SOS1: variants seen among roughly 807,000 people sequenced by gnomAD.
SOS1 encodes the protein SOS Ras/Rac guanine nucleotide exchange factor 1.
Under a neutral mutation model 157.6 loss-of-function variants are expected in SOS1, and 25 were observed. The ratio of observed to expected loss-of-function variants is 0.16; its 90% CI spans 0.12 to 0.22. The LOEUF (loss-of-function observed/expected upper bound fraction) is 0.22. Among genes scored for constraint, SOS1 ranks in the 10% least tolerant of loss-of-function variants. SOS1 has a pLI of 1.00. For synonymous variants in SOS1, 528 were observed against 534.0 expected, an observed-to-expected ratio of 0.99 and a Z score of 0.16; for missense variants, 1,237 against 1,599.1, an observed-to-expected ratio of 0.77 and a Z score of 3.86.
At chr2:39,017,199 C>G (rs1669657826) in intron 10 of SOS1, among the ~76,000 whole-genome samples, 1 of 151,996 alleles carries the variant, frequency 6.6e-6, no homozygotes, top group Admixed American at 6.6e-5. Flanking sequence ...CATGTGATTC[C>G]TGATTTAGTG....
intron 20 of SOS1, among the ~76,000 whole-genome samples, chr2:38,994,537 T>C (rs1431328175): frequency 6.6e-6 from 1 of 152,202 alleles, no homozygotes; most frequent in Non-Finnish European, 1.5e-5. Context: ...TTCAAATACA[T>C]GTTAAGTATC....
At chr2:39,123,444 A>G (rs1673966292), upstream of SOS1, among the ~76,000 whole-genome samples, 1 of 148,498 alleles carries the variant, frequency 6.7e-6, no homozygotes, top group African/African-American at 2.5e-5. Flanking sequence ...TACAACCTCC[A>G]CTTCCCAGGT....
chr2:39,087,886 C>A (rs1672435846), intron 1 of SOS1, among the ~76,000 whole-genome samples: 1 of 151,834 alleles, frequency 6.6e-6, no homozygotes, highest in Non-Finnish European at 1.5e-5. Context: ...GCCACATTGC[C>A]CAGGCTGGTC....
chr2:39,097,864 G>A (rs911264567), intron 1 of SOS1, among the ~76,000 whole-genome samples: 1 of 152,048 alleles, frequency 6.6e-6, no homozygotes, highest in Non-Finnish European at 1.5e-5. Flanking sequence ...TTTGCCCAGT[G>A]AAGTTAATTC....
intron 1 of SOS1, among the ~76,000 whole-genome samples, chr2:39,074,055 T>C (rs1167535219): frequency 2.6e-5 from 4 of 152,098 alleles, no homozygotes; most frequent in African/African-American, 9.7e-5. Context: ...AAATAAAATT[T>C]AAGACCAGCC....
chr2:39,015,206 A>G (rs1669592702), intron 10 of SOS1, among the ~76,000 whole-genome samples: 1 of 151,904 alleles, frequency 6.6e-6, no homozygotes, highest in Non-Finnish European at 1.5e-5. Flanking sequence ...CCCCTTATAA[A>G]GAGAAAGGCC....
chr2:39,070,990 G>T (rs1671774232), intron 1 of SOS1, among the ~76,000 whole-genome samples: 1 of 152,112 alleles, frequency 6.6e-6, no homozygotes, highest in Non-Finnish European at 1.5e-5. Context: ...AGCCTCCCAA[G>T]TAGCTGGGAT....
intron 19 of SOS1, among the ~76,000 whole-genome samples, chr2:38,996,407 T>A (rs1408377730): frequency 6.6e-6 from 1 of 152,206 alleles, no homozygotes; most frequent in Non-Finnish European, 1.5e-5. Context: ...GACTTTTTTA[T>A]GAACAAGAGA....
intron 3 of SOS1, among the ~76,000 whole-genome samples, chr2:39,057,254 T>C (rs1225222765): frequency 1.3e-5 from 2 of 152,144 alleles, no homozygotes; most frequent in Non-Finnish European, 1.5e-5. Flanking sequence ...TAATATATTA[T>C]TGGTATCTAG....
rs532594344 is a variant in SOS1 at position 39,006,537 on chromosome 2, G to GA, written c.2674-9dup. On this transcript the variant is annotated splice_polypyrimidine_tract_variant and intron_variant, in intron 16 of 22. Coordinates refer to ENST00000402219, the MANE Select transcript of SOS1 (RefSeq NM_005633.4). ...CTGGCGACTTGGTATTTGCTATAAG[G>GA]AAAAAAAATAGGCGTAAGTTTACAA... 170 of 1,392,390 alleles carry GA rather than the reference G, an allele frequency of 1.2e-4. No homozygotes were observed. Among genetic ancestry groups the GA allele is most frequent in the African/African-American group, 1.1e-3 (75 of 70,494 alleles). 86.3% of individuals were successfully genotyped at this position (1,392,390 alleles called of 1,614,324 possible).
intron 1 of SOS1, among the ~76,000 whole-genome samples, chr2:39,105,873 C>T (rs1336986525): frequency 6.6e-6 from 1 of 152,086 alleles, no homozygotes; most frequent in South Asian, 2.1e-4. Flanking sequence ...GCACTTCAGC[C>T]TGGGCGACAG....
intron 6 of SOS1, among the ~76,000 whole-genome samples, chr2:39,041,731 T>C (rs145970948): frequency 6.6e-6 from 1 of 152,340 alleles, no homozygotes; most frequent in East Asian, 1.9e-4. Context: ...GCTTCCCTTA[T>C]AACTATGGTG....
chr2:39,077,823 T>G (rs1252438509), intron 1 of SOS1, among the ~76,000 whole-genome samples: 2 of 152,136 alleles, frequency 1.3e-5, no homozygotes, highest in African/African-American at 4.8e-5. Flanking sequence ...ATCAAGTACA[T>G]AACGGTGATA....
chr2:39,115,149 C>CT (rs1572903015), intron 1 of SOS1, among the ~76,000 whole-genome samples: 1 of 152,122 alleles, frequency 6.6e-6, no homozygotes, highest in African/African-American at 2.4e-5. Flanking sequence ...ATACAATAAA[C>CT]TGCACATATT....
In SOS1 at chr2:39,037,125, T is replaced by C. The variant is rs139176692; in HGVS notation, c.865-1625A>G. On this transcript the variant is annotated intron_variant, in intron 6 of 22. Coordinates refer to ENST00000402219, the MANE Select transcript of SOS1 (RefSeq NM_005633.4). ...GGCTCTTAGTTGACTTCCCAATTTT[T>C]AACTCCTTCAACTTTCTTCTCAACT... Among the ~76,000 whole-genome samples, 182 of 152,352 alleles carry C rather than the reference T, an allele frequency of 1.2e-3. 1 individual carries two copies. The highest frequency in any genetic ancestry group is 4.2e-3 in the African/African-American group (173 of 41,586).
At chr2:39,116,732 G>C (rs1198422785) in intron 1 of SOS1, among the ~76,000 whole-genome samples, 1 of 152,092 alleles carries the variant, frequency 6.6e-6, no homozygotes. Context: ...GTGGCAGTGT[G>C]CCTACAGTCT....
intron 6 of SOS1, among the ~76,000 whole-genome samples, chr2:39,036,080 C>T (rs1008300433): frequency 9.9e-5 from 15 of 151,972 alleles, no homozygotes; most frequent in African/African-American, 3.4e-4. Flanking sequence ...GTTAAAAAGA[C>T]CAGAATCTAC....
intron 2 of SOS1, among the ~76,000 whole-genome samples, chr2:39,062,524 G>A (rs187325538): frequency 5.8e-4 from 86 of 149,380 alleles, no homozygotes; most frequent in Admixed American, 4.6e-3. Context: ...AAAAATGAAC[G>A]GAAAACGAAA....
chr2:39,081,678 A>T (rs1672205053), intron 1 of SOS1, among the ~76,000 whole-genome samples: 2 of 152,088 alleles, frequency 1.3e-5, no homozygotes, highest in East Asian at 1.9e-4. Context: ...TACAAAAATT[A>T]GCCAGGCTTG....
Sources: allele counts gnomAD v4.1 joint callset (sites outside exome capture counted in the v4.1 genomes callset), GRCh38; gene constraint gnomAD v4.1.1; transcripts MANE v1.5; gene names NCBI Gene and HGNC (gene_info 2026-07-23, HGNC 2026-07-21).